GRIA4: variants seen among roughly 807,000 people sequenced by gnomAD.
The protein encoded by GRIA4 is glutamate receptor 4.
A neutral mutation model predicts 104.0 loss-of-function variants in GRIA4; 34 were observed. The observed-to-expected ratio is 0.33, with a 90% confidence interval of 0.25 to 0.44. GRIA4 has a LOEUF of 0.44. GRIA4 is among the 20% of genes least tolerant of loss of function. The pLI, the probability that GRIA4 is intolerant of heterozygous loss-of-function variation, is 1.00. For missense variants in GRIA4, 750 were observed against 1,096.5 expected (o/e 0.68, Z 4.46); for synonymous variants, 386 against 381.9 (o/e 1.01, Z -0.13).
chr11:105,904,448 A>G (rs1946972217), intron 8 of GRIA4, among the ~76,000 whole-genome samples: 1 of 152,176 alleles, frequency 6.6e-6, no homozygotes, highest in Admixed American at 6.6e-5. Flanking sequence ...CATATGTCAG[A>G]AAGAGTCTCA....
Position 105,611,049 on chromosome 11 carries a change from C to A in GRIA4, c.52C>A (p.Leu18Ile). The change falls in exon 2 of 17, where the codon CTC (leucine) becomes ATC (isoleucine). Residue 18 changes from leucine to isoleucine, a missense_variant. Coordinates refer to ENST00000282499, the MANE Select transcript of GRIA4 (RefSeq NM_000829.4). The part of the protein sequence containing the change: ...IVLLFSGFWG[L>I]AMGAFPSSVQ... The stretch of plus-strand genomic sequence containing the variant: ...CTTGTTATTTTCTGGATTTTGGGGA[C>A]TCGCCATGGGAGCCTTTCCGAGCAG... The A allele has an allele frequency of 5.0e-6, 8 of 1,613,666 alleles. No individual in the cohort carries two copies. Among genetic ancestry groups the A allele is most frequent in the Non-Finnish European group, 6.8e-6 (8 of 1,179,740 alleles).
intron 4 of GRIA4, among the ~76,000 whole-genome samples, chr11:105,859,805 G>C (rs1354280890): frequency 6.6e-6 from 1 of 152,042 alleles, no homozygotes; most frequent in Non-Finnish European, 1.5e-5. Flanking sequence ...ACGTCAATTG[G>C]TATTTTTAAA....
intron 4 of GRIA4, among the ~76,000 whole-genome samples, chr11:105,831,037 G>T (rs1943955735): frequency 6.6e-6 from 1 of 151,672 alleles, no homozygotes; most frequent in South Asian, 2.1e-4. Context: ...ACTTTAAAAA[G>T]CATTTATTAT....
intron 4 of GRIA4, among the ~76,000 whole-genome samples, chr11:105,808,417 T>C (rs936294147): frequency 1.3e-5 from 2 of 152,064 alleles, no homozygotes; most frequent in Non-Finnish European, 2.9e-5. Context: ...CAAGTATAGA[T>C]CAATTTGCAC....
Position 105,934,145 on chromosome 11 carries a change from A to G in GRIA4, c.2294+176A>G, listed in dbSNP as rs571626235. ...ATCAGGTAATTTTTTTTAATTTTGG[A>G]ATGATTAATCCTTGTTGACATATAT... On this transcript the variant is annotated intron_variant, in intron 14 of 16. Transcript: ENST00000282499. Among the ~76,000 whole-genome samples the G allele has an allele frequency of 4.1e-4, 63 of 152,048 alleles. 2 individuals carry two copies. The East Asian group carries it at 0.01, about 25-fold the overall frequency.
At chr11:105,972,189 C>T (rs559190) in intron 15 of GRIA4, among the ~76,000 whole-genome samples, 161 bp downstream of exon 15, 151,610 of 152,304 alleles carry the variant, frequency 1, 75,467 homozygotes, top group Middle Eastern at 1. Context: ...GGATGGTCTT[C>T]CCAGGAAACT....
At chr11:105,771,897 AATCT>A (rs1941223444) in intron 4 of GRIA4, among the ~76,000 whole-genome samples, 1 of 152,024 alleles carries the variant, frequency 6.6e-6, no homozygotes, top group Admixed American at 6.6e-5. Context: ...AATATATATA[AATCT>A]ATTATAAAAA....
intron 3 of GRIA4, among the ~76,000 whole-genome samples, chr11:105,665,867 C>T (rs942496088): frequency 3.3e-5 from 5 of 151,978 alleles, no homozygotes; most frequent in African/African-American, 4.8e-5. Context: ...AAATACCAAG[C>T]TTGGTCTCCA....
At chr11:105,798,922 A>G (rs1372139870) in intron 4 of GRIA4, among the ~76,000 whole-genome samples, 1 of 152,142 alleles carries the variant, frequency 6.6e-6, no homozygotes, top group Non-Finnish European at 1.5e-5. Context: ...TGAAGTAGGC[A>G]GTTAGATATG....
chr11:105,750,472 A>G (rs1939933824), intron 3 of GRIA4, among the ~76,000 whole-genome samples: 1 of 152,114 alleles, frequency 6.6e-6, no homozygotes, highest in South Asian at 2.1e-4. Context: ...ATATGAATAG[A>G]GGAAGAATGA....
intron 3 of GRIA4, among the ~76,000 whole-genome samples, chr11:105,678,032 C>T (rs1952595742): frequency 2.6e-5 from 4 of 152,038 alleles, no homozygotes; most frequent in Admixed American, 2.6e-4. Context: ...CACATAGTTC[C>T]TTGCATGAAG....
chr11:105,746,243 A>T (rs1235383946), intron 3 of GRIA4, among the ~76,000 whole-genome samples: 1 of 152,084 alleles, frequency 6.6e-6, no homozygotes, highest in African/African-American at 2.4e-5. Context: ...GAGATCATAT[A>T]AAATGATACT....
At chr11:105,962,531 AC>A (rs1013745381) in intron 14 of GRIA4, among the ~76,000 whole-genome samples, 3 of 152,150 alleles carry the variant, frequency 2.0e-5, no homozygotes, top group African/African-American at 4.8e-5. Flanking sequence ...AGGAATAAAA[AC>A]TTTTGGAAGT....
chr11:105,892,885 C>T (rs999243925), intron 6 of GRIA4, among the ~76,000 whole-genome samples: 3 of 152,060 alleles, frequency 2.0e-5, no homozygotes. Flanking sequence ...AGTCAACCTA[C>T]GAAACTGAAA....
intron 14 of GRIA4, among the ~76,000 whole-genome samples, chr11:105,960,703 G>A (rs938967967): frequency 9.9e-5 from 15 of 152,266 alleles, no homozygotes; most frequent in African/African-American, 3.6e-4. Flanking sequence ...TTCCAGCTGA[G>A]AGGCTGTAAG....
At chr11:105,770,214 C>T (rs1472638158) in intron 4 of GRIA4, among the ~76,000 whole-genome samples, 1 of 152,024 alleles carries the variant, frequency 6.6e-6, no homozygotes, top group East Asian at 1.9e-4. Flanking sequence ...ATCCTAACGT[C>T]CCCAGTTTGA....
chr11:105,658,457 GA>G (rs1951908627), intron 3 of GRIA4, among the ~76,000 whole-genome samples: 1 of 151,208 alleles, frequency 6.6e-6, no homozygotes, highest in African/African-American at 2.4e-5. Context: ...AAAGAATCTG[GA>G]ATGTGTATAG....
intron 4 of GRIA4, among the ~76,000 whole-genome samples, chr11:105,762,106 C>T (rs913176019): frequency 6.6e-6 from 1 of 152,096 alleles, no homozygotes; most frequent in Non-Finnish European, 1.5e-5. Flanking sequence ...TCACTGCAAC[C>T]TCTGTCTCCC....
chr11:105,829,083 C>T (rs569171770), intron 4 of GRIA4, among the ~76,000 whole-genome samples: 1 of 76,194 alleles, frequency 1.3e-5, no homozygotes, highest in East Asian at 3.9e-4. Flanking sequence ...TGTGCTATAT[C>T]CAGTGATGTA....
Sources: allele counts gnomAD v4.1 joint callset (sites outside exome capture counted in the v4.1 genomes callset), GRCh38; gene constraint gnomAD v4.1.1; transcripts MANE v1.5; gene names NCBI Gene and HGNC (gene_info 2026-07-23, HGNC 2026-07-21).